The following CADM2 variants were observed in gnomAD, a reference collection of about 807,000 sequenced individuals.
The protein encoded by CADM2 is cell adhesion molecule 2, also known as immunoglobulin superfamily member 4D.
In CADM2, 12 loss-of-function variants were observed where a neutral mutation model predicts 49.8. The ratio of observed to expected loss-of-function variants is 0.24; its 90% CI spans 0.15 to 0.39. The LOEUF is 0.39. Among genes scored for constraint, CADM2 ranks in the 10% least tolerant of loss-of-function variants. CADM2 has a pLI of 1.00. For synonymous variants in CADM2, 214 were observed against 175.4 expected (o/e 1.22, Z -1.74); for missense variants, 378 against 492.3 (o/e 0.77, Z 2.20).
intron 1 of CADM2, among the ~76,000 whole-genome samples, chr3:85,018,287 A>G (rs1463839236): frequency 1.3e-5 from 2 of 152,180 alleles, no homozygotes; most frequent in Non-Finnish European, 2.9e-5. Flanking sequence ...TCTAAGTCCT[A>G]TCTTTATCCA....
chr3:85,892,210 A>G (rs1001881364), intron 5 of CADM2, among the ~76,000 whole-genome samples: 1 of 152,212 alleles, frequency 6.6e-6, no homozygotes, highest in African/African-American at 2.4e-5. Flanking sequence ...TCTGAAAGAG[A>G]AGATAACTTT....
At chr3:85,028,391 T>C (rs555271765) in intron 1 of CADM2, among the ~76,000 whole-genome samples, 21 of 152,316 alleles carry the variant, frequency 1.4e-4, no homozygotes, top group Middle Eastern at 6.8e-3. Flanking sequence ...TTGAGGTAGA[T>C]ACTTTTATTA....
chr3:85,430,670 G>A (rs1301339757), intron 1 of CADM2, among the ~76,000 whole-genome samples: 2 of 125,924 alleles, frequency 1.6e-5, no homozygotes, highest in African/African-American at 5.9e-5. Context: ...AGAAAGAGGA[G>A]AAAGACAGAG....
chr3:85,169,278 G>A (rs2040556964), intron 1 of CADM2, among the ~76,000 whole-genome samples: 1 of 152,094 alleles, frequency 6.6e-6, no homozygotes, highest in African/African-American at 2.4e-5. Context: ...ACAGGCATGA[G>A]CCACTGCGCC....
chr3:84,970,289 A>G (rs1265745198), intron 1 of CADM2, among the ~76,000 whole-genome samples: 3 of 142,256 alleles, frequency 2.1e-5, no homozygotes, highest in Non-Finnish European at 4.6e-5. Flanking sequence ...TTTTTTTTGC[A>G]TTTGAAAGAT....
chr3:85,784,306 A>G (rs1213448661), intron 2 of CADM2, among the ~76,000 whole-genome samples: 2 of 152,192 alleles, frequency 1.3e-5, no homozygotes, highest in Admixed American at 1.3e-4. Flanking sequence ...ATATGGATCA[A>G]TTTTTAAAAT....
intron 1 of CADM2, among the ~76,000 whole-genome samples, chr3:85,097,263 C>A (rs2037835104): frequency 6.6e-6 from 1 of 151,956 alleles, no homozygotes; most frequent in African/African-American, 2.4e-5. Context: ...GGTTTTTTGT[C>A]CTTGTGATAG....
intron 1 of CADM2, among the ~76,000 whole-genome samples, chr3:85,703,065 C>T (rs1362388098): frequency 6.6e-6 from 1 of 152,140 alleles, no homozygotes; most frequent in Non-Finnish European, 1.5e-5. Context: ...TATTAATACA[C>T]ATACACACAT....
chr3:85,960,289 TACTC>T (rs1294657620), intron 7 of CADM2, among the ~76,000 whole-genome samples: 1 of 151,966 alleles, frequency 6.6e-6, no homozygotes, highest in Admixed American at 6.6e-5. Context: ...AGACATCACT[TACTC>T]AGTGCCTCTG....
intron 8 of CADM2, chr3:86,015,081 G>T: frequency 1.6e-6 from 1 of 625,180 alleles, no homozygotes; most frequent in Non-Finnish European, 2.8e-6. Context: ...AAGTAAGTCA[G>T]AGCTTCCCAC....
intron 5 of CADM2, among the ~76,000 whole-genome samples, chr3:85,908,240 CTT>C (rs1210705806): frequency 8.7e-6 from 1 of 114,598 alleles, no homozygotes. Flanking sequence ...GATATCTTGG[CTT>C]TTTTTTTTCT....
At chr3:85,093,833 AGT>A (rs1553682118) in intron 1 of CADM2, among the ~76,000 whole-genome samples, 3 of 151,928 alleles carry the variant, frequency 2.0e-5, no homozygotes, top group Non-Finnish European at 1.5e-5. Flanking sequence ...GGGGAGGATA[AGT>A]GTGCTGTGTG....
intron 1 of CADM2, among the ~76,000 whole-genome samples, chr3:85,069,186 GA>G (rs376264908): frequency 2.4e-4 from 35 of 145,618 alleles, no homozygotes; most frequent in African/African-American, 4.0e-4. Flanking sequence ...ATGGAAGAGA[GA>G]AAAAAAAAAG....
chr3:85,972,491 T>C (rs1167363932), intron 8 of CADM2, among the ~76,000 whole-genome samples: 1 of 151,760 alleles, frequency 6.6e-6, no homozygotes, highest in African/African-American at 2.4e-5. Flanking sequence ...AGAAAGAAAG[T>C]AAACATATGG....
At chr3:85,741,551 C>A (rs2068390443) in intron 2 of CADM2, among the ~76,000 whole-genome samples, 1 of 152,016 alleles carries the variant, frequency 6.6e-6, no homozygotes. Context: ...GCCTGCAATC[C>A]CAGCTACTCA....
intron 1 of CADM2, among the ~76,000 whole-genome samples, chr3:85,218,948 A>G (rs901549448): frequency 6.6e-6 from 1 of 152,132 alleles, no homozygotes. Context: ...TTTGGTTGAA[A>G]CTCACCAAAA....
At chr3:85,710,609 T>G (rs1235183833) in intron 1 of CADM2, among the ~76,000 whole-genome samples, 3 of 152,152 alleles carry the variant, frequency 2.0e-5, no homozygotes, top group African/African-American at 7.2e-5. Context: ...TGAGGACAGT[T>G]TAATACAGAA....
chr3:85,123,054 T>A (rs1488110934), intron 1 of CADM2, among the ~76,000 whole-genome samples: 1 of 152,132 alleles, frequency 6.6e-6, no homozygotes, highest in East Asian at 1.9e-4. Flanking sequence ...AGATACATGA[T>A]ATATTATCTT....
intron 1 of CADM2, among the ~76,000 whole-genome samples, chr3:85,373,158 A>G (rs1351431081): frequency 6.6e-6 from 1 of 152,168 alleles, no homozygotes; most frequent in African/African-American, 2.4e-5. Flanking sequence ...AAGGCAACTA[A>G]TGAGCGTGTA....
Sources: gnomAD v4.1 joint callset for allele counts (sites outside exome capture counted in the v4.1 genomes callset) on GRCh38, gnomAD v4.1.1 for gene constraint, MANE v1.5 for transcripts, NCBI Gene and HGNC (gene_info 2026-07-23, HGNC 2026-07-21) for gene names.